GABRB3: variants seen among roughly 807,000 people sequenced by gnomAD.
GABRB3 encodes gamma-aminobutyric acid receptor subunit beta-3.
A neutral mutation model predicts 52.1 loss-of-function variants in GABRB3; 14 were observed. The observed-to-expected ratio is 0.27, with a 90% CI of 0.18 to 0.42. The LOEUF is 0.42. Among genes scored for constraint, GABRB3 ranks in the 10% least tolerant of loss-of-function variants. The pLI is 1.00. For synonymous variants in GABRB3, 260 were observed against 232.3 expected (o/e 1.12, Z -1.08); for missense variants, 307 against 609.1 (o/e 0.50, Z 5.22).
At chr15:26,712,481 T>A (rs1889331021) in intron 3 of GABRB3, among the ~76,000 whole-genome samples, 2 of 150,404 alleles carry the variant, frequency 1.3e-5, no homozygotes, top group Admixed American at 1.3e-4. Context: ...TGAGGGGGGG[T>A]TCAATCTGTG....
intron 3 of GABRB3, among the ~76,000 whole-genome samples, chr15:26,753,061 G>A (rs1267148348): frequency 3.3e-5 from 5 of 152,148 alleles, no homozygotes; most frequent in Non-Finnish European, 7.3e-5. Context: ...TGGTGCTGCA[G>A]GCTCTGATAC....
intron 3 of GABRB3, among the ~76,000 whole-genome samples, chr15:26,766,871 T>C (rs570235286): frequency 6.6e-6 from 1 of 152,170 alleles, no homozygotes; most frequent in Non-Finnish European, 1.5e-5. Flanking sequence ...AACAGGACCA[T>C]GCATGTAAGA....
intron 4 of GABRB3, among the ~76,000 whole-genome samples, chr15:26,584,196 T>C (rs1280496165): frequency 6.6e-6 from 1 of 152,216 alleles, no homozygotes; most frequent in South Asian, 2.1e-4. Flanking sequence ...AAAAACTTAC[T>C]AGGTCTTATT....
chr15:26,747,952 C>CTTTTTTTTTTTTTTTTTTTTTTTTT, intron 3 of GABRB3, among the ~76,000 whole-genome samples: 1 of 87,460 alleles, frequency 1.1e-5, no homozygotes, highest in Non-Finnish European at 2.1e-5. Context: ...TTTTCAAATG[C>CTTTTTTTTTTTTTTTTTTTTTTTTT]TTTTTTTTTT....
chr15:26,596,188 G>A (rs1372757397), intron 4 of GABRB3, among the ~76,000 whole-genome samples: 1 of 151,932 alleles, frequency 6.6e-6, no homozygotes, highest in East Asian at 1.9e-4. Context: ...AAGATAGATA[G>A]GAATTTAGTG....
chr15:26,567,211 T>C (rs1280484183), intron 7 of GABRB3, among the ~76,000 whole-genome samples: 1 of 152,228 alleles, frequency 6.6e-6, no homozygotes, highest in Non-Finnish European at 1.5e-5. Context: ...TATTTGACTA[T>C]TTTTCTGACT....
chr15:26,664,709 T>TTA (rs1887654308), intron 3 of GABRB3, among the ~76,000 whole-genome samples: 1 of 143,350 alleles, frequency 7.0e-6, no homozygotes, highest in Non-Finnish European at 1.5e-5. Context: ...TCTTTGTTTT[T>TTA]TTTTTTTTTT....
At chr15:26,640,981 G>A (rs1893184670) in intron 3 of GABRB3, among the ~76,000 whole-genome samples, 1 of 152,168 alleles carries the variant, frequency 6.6e-6, no homozygotes, top group East Asian at 1.9e-4. Flanking sequence ...CTTTAAAACT[G>A]TGAAACTGTT....
intron 3 of GABRB3, among the ~76,000 whole-genome samples, chr15:26,726,618 A>G (rs1309698192): frequency 6.6e-6 from 1 of 152,124 alleles, no homozygotes; most frequent in Non-Finnish European, 1.5e-5. Flanking sequence ...TTTCCTCGTG[A>G]TTCAATTCAA....
chr15:26,746,919 G>A (rs979012681), intron 3 of GABRB3, among the ~76,000 whole-genome samples: 10 of 152,016 alleles, frequency 6.6e-5, no homozygotes, highest in Non-Finnish European at 1.0e-4. Flanking sequence ...CCCGGGAGGC[G>A]GAACTTGCAG....
At chr15:26,642,221 G>A (rs1893221514) in intron 3 of GABRB3, among the ~76,000 whole-genome samples, 1 of 152,014 alleles carries the variant, frequency 6.6e-6, no homozygotes, top group African/African-American at 2.4e-5. Context: ...AATATAGTTG[G>A]ACCTCCATAT....
chr15:26,675,327 T>C (rs1023777859), intron 3 of GABRB3, among the ~76,000 whole-genome samples: 1 of 152,182 alleles, frequency 6.6e-6, no homozygotes, highest in Non-Finnish European at 1.5e-5. Flanking sequence ...TCCACCACCT[T>C]CTGTTCATTT....
At chr15:26,732,555 C>T (rs1595557071) in intron 3 of GABRB3, among the ~76,000 whole-genome samples, 7 of 145,590 alleles carry the variant, frequency 4.8e-5, no homozygotes, top group African/African-American at 1.9e-4. Flanking sequence ...TAGTGAGACC[C>T]CTTTCTCCCA....
chr15:26,576,767 C>G (rs1321487941), intron 6 of GABRB3, among the ~76,000 whole-genome samples: 2 of 152,112 alleles, frequency 1.3e-5, no homozygotes, highest in African/African-American at 2.4e-5. Flanking sequence ...GACATAGAGG[C>G]CATCAAGAAG....
intron 3 of GABRB3, among the ~76,000 whole-genome samples, chr15:26,626,445 T>C (rs1892698693): frequency 6.6e-6 from 1 of 152,108 alleles, no homozygotes; most frequent in South Asian, 2.1e-4. Context: ...TTAAGCTTAG[T>C]GAGGGAGGCA....
At position 26,757,397 on chromosome 15, in the gene GABRB3, C is replaced by G. The variant is rs562024866; in HGVS notation, c.240+15005G>C. 2.6e-5 allele frequency among the ~76,000 whole-genome samples: 4 copies of G among 152,244 alleles called. No individual in the cohort carries two copies. The South Asian group carries it at 8.3e-4, about 32-fold the overall frequency. ...TTGCTCACTCGCTCCTGGGCTCAAA[C>G]CAAACATTCTCTTCATGAGTTTCTT... is the stretch of plus-strand genomic sequence containing the variant. On this transcript the variant is annotated intron_variant, in intron 3 of 8. Coordinates refer to ENST00000311550, the MANE Select transcript of GABRB3 (RefSeq NM_000814.6).
chr15:26,690,691 G>A (rs374845960), intron 3 of GABRB3, among the ~76,000 whole-genome samples: 4 of 151,984 alleles, frequency 2.6e-5, no homozygotes, highest in African/African-American at 9.6e-5. Context: ...CTTAGTGTTT[G>A]TGCTGTACCC....
At position 26,753,264 on chromosome 15, in the gene GABRB3, G is replaced by A. The variant is rs146580243; in HGVS notation, c.240+19138C>T. On this transcript the variant is annotated intron_variant, in intron 3 of 8. Coordinates refer to ENST00000311550, the MANE Select transcript of GABRB3 (RefSeq NM_000814.6). ...CACATCAAGCGGGCACTGTAGAGCC[G>A]TGAGGGCTACCTACGCTGGGTGTGG... Among the ~76,000 whole-genome samples, 500 of 152,276 alleles carry A rather than the reference G, an allele frequency of 3.3e-3. 2 individuals are homozygous for A. Among genetic ancestry groups the A allele is most frequent in the African/African-American group, 0.011 (457 of 41,552 alleles).
chr15:26,763,451 T>A (rs1890874859), intron 3 of GABRB3, among the ~76,000 whole-genome samples: 1 of 152,208 alleles, frequency 6.6e-6, no homozygotes, highest in Non-Finnish European at 1.5e-5. Context: ...GCAAGAACTG[T>A]GCTCTGTGGC....
Sources: allele counts gnomAD v4.1 joint callset (sites outside exome capture counted in the v4.1 genomes callset), GRCh38; gene constraint gnomAD v4.1.1; transcripts MANE v1.5; gene names NCBI Gene and HGNC (gene_info 2026-07-23, HGNC 2026-07-21).